Variants in SHROOM3 observed in about 807,000 individuals in gnomAD.
SHROOM3 encodes the protein protein Shroom3.
Under a neutral mutation model 138.6 loss-of-function variants are expected in SHROOM3, and 47 were observed. The observed-to-expected ratio is 0.34, with a 90% CI of 0.27 to 0.43. SHROOM3 has a LOEUF of 0.43. Ranked by LOEUF, SHROOM3 falls within the 20% of genes least tolerant of loss-of-function variation. SHROOM3 has a pLI of 1.00. For synonymous variants in SHROOM3, 1,062 were observed against 1,063.3 expected (o/e 1.00, Z 0.02); for missense variants, 2,491 against 2,596.5 (o/e 0.96, Z 0.88).
Position 76,436,103 on chromosome 4 carries a change from T to G in SHROOM3, c.51T>G (p.Ser17=), listed in dbSNP as rs1262431955. ...DFHKPSATLN[S]NTATKGRYIY... The stretch of plus-strand genomic sequence containing the variant: ...ACAAGCCTAGTGCCACATTAAACTC[T>G]AACACGGCCACCAAGGGAAGGTACA... The change falls in exon 1 of 11, where the codon TCT becomes TCG. Residue 17 remains serine (S), a synonymous_variant. Coordinates refer to ENST00000296043, the MANE Select transcript of SHROOM3 (RefSeq NM_020859.4). 3 of 1,613,850 alleles carry G rather than the reference T, an allele frequency of 1.9e-6. No homozygotes were observed. The African/African-American group carries it at 4.0e-5, about 22-fold the overall frequency.
chr4:76,491,737 A>T (rs1385014711), intron 1 of SHROOM3, among the ~76,000 whole-genome samples: 1 of 151,808 alleles, frequency 6.6e-6, no homozygotes, highest in African/African-American at 2.4e-5. Context: ...TGAAAAAAGC[A>T]CCCCCCAACC....
chr4:76,778,685 T>C, intron 10 of SHROOM3, 124 bp from the exon 11 acceptor site: 1 of 1,325,916 alleles, frequency 7.5e-7, no homozygotes, highest in Non-Finnish European at 1.1e-6. Context: ...CCTCCTTACT[T>C]AGGAGTGACA....
At chr4:76,678,961 C>T (rs764671977) in intron 2 of SHROOM3, among the ~76,000 whole-genome samples, 17 of 152,162 alleles carry the variant, frequency 1.1e-4, no homozygotes, top group Admixed American at 6.6e-4. Context: ...CCCACCCAGC[C>T]GAGCAATTTT....
chr4:76,720,852 C>T (rs941182400), intron 3 of SHROOM3, among the ~76,000 whole-genome samples: 3 of 151,580 alleles, frequency 2.0e-5, no homozygotes, highest in Admixed American at 1.3e-4. Context: ...CCTCGTGGTC[C>T]GCCCACCTCG....
intron 5 of SHROOM3, 108 bp from the exon 6 acceptor site, chr4:76,748,909 G>T: frequency 1.1e-6 from 1 of 895,234 alleles, no homozygotes; most frequent in African/African-American, 1.7e-5. Context: ...CCTGACAATA[G>T]TAGGTTGCCA....
At chr4:76,489,213 T>A (rs1731799235) in intron 1 of SHROOM3, among the ~76,000 whole-genome samples, 3 of 152,250 alleles carry the variant, frequency 2.0e-5, no homozygotes, top group Admixed American at 2.0e-4. Flanking sequence ...CAGGCACAGA[T>A]CTAGCTCATC....
intron 5 of SHROOM3, among the ~76,000 whole-genome samples, chr4:76,744,674 T>G (rs1443861331): frequency 6.6e-6 from 1 of 152,236 alleles, no homozygotes; most frequent in African/African-American, 2.4e-5. Context: ...TCATCCTTGC[T>G]TTAGAGAATT....
chr4:76,558,030 C>T (rs1733523181), intron 2 of SHROOM3, among the ~76,000 whole-genome samples: 1 of 152,112 alleles, frequency 6.6e-6, no homozygotes, highest in Non-Finnish European at 1.5e-5. Context: ...ACCCAGGAGC[C>T]CAGTTTGGAA....
intron 10 of SHROOM3, among the ~76,000 whole-genome samples, chr4:76,774,720 GTTTT>G (rs71212453): frequency 2.7e-5 from 3 of 112,268 alleles, no homozygotes; most frequent in African/African-American, 6.5e-5. Flanking sequence ...TTTTTTTTTT[GTTTT>G]TTTTTTTTTT....
At position 76,765,085 on chromosome 4, in the gene SHROOM3, A is replaced by G. The variant is rs536665385; in HGVS notation, c.5349+5390A>G. On this transcript the variant is annotated intron_variant, in intron 9 of 10. Coordinates refer to ENST00000296043, the MANE Select transcript of SHROOM3 (RefSeq NM_020859.4). ...TGTTGGTCTGTTTTCAAGTTCACTG[A>G]CTTTCCTATCTCCATTCTGCCAGTG... 3.4e-5 allele frequency among the ~76,000 whole-genome samples: 5 copies of G among 148,578 alleles called. No homozygotes were observed. The South Asian group carries it at 1.1e-3, about 32-fold the overall frequency.
At chr4:76,605,951 A>G (rs1218222388) in intron 2 of SHROOM3, among the ~76,000 whole-genome samples, 2 of 118,888 alleles carry the variant, frequency 1.7e-5, no homozygotes, top group Non-Finnish European at 3.4e-5. Flanking sequence ...ATATATACAC[A>G]TATATATATA....
intron 9 of SHROOM3, among the ~76,000 whole-genome samples, chr4:76,765,992 C>T (rs1231835257): frequency 2.0e-5 from 3 of 152,204 alleles, no homozygotes. Flanking sequence ...CCGCCAGCCT[C>T]ATTTGAGCCT....
chr4:76,763,850 T>G (rs1192943940), intron 9 of SHROOM3, among the ~76,000 whole-genome samples: 1 of 152,218 alleles, frequency 6.6e-6, no homozygotes, highest in Non-Finnish European at 1.5e-5. Context: ...TAAGTGATGT[T>G]GTTGAAAACA....
At chr4:76,762,977 A>G (rs1208316102) in intron 9 of SHROOM3, among the ~76,000 whole-genome samples, 1 of 152,228 alleles carries the variant, frequency 6.6e-6, no homozygotes, top group Non-Finnish European at 1.5e-5. Context: ...CAAAAGGAAA[A>G]GCATAAGGAG....
chr4:76,522,856 A>G (rs1208287824), intron 1 of SHROOM3, among the ~76,000 whole-genome samples: 1 of 152,208 alleles, frequency 6.6e-6, no homozygotes, highest in Non-Finnish European at 1.5e-5. Flanking sequence ...AGTAATAGCT[A>G]TATTAACATA....
At chr4:76,611,623 T>G (rs894803469) in intron 2 of SHROOM3, among the ~76,000 whole-genome samples, 1 of 152,192 alleles carries the variant, frequency 6.6e-6, no homozygotes, top group Non-Finnish European at 1.5e-5. Context: ...ACTGTTTTTA[T>G]ATTTGCCCTC....
chr4:76,443,682 C>T (rs1730744824), intron 1 of SHROOM3, among the ~76,000 whole-genome samples: 1 of 152,162 alleles, frequency 6.6e-6, no homozygotes, highest in Non-Finnish European at 1.5e-5. Flanking sequence ...TGTTTCTCCC[C>T]CTCTTCTAAT....
intron 2 of SHROOM3, among the ~76,000 whole-genome samples, chr4:76,583,338 G>A (rs1042094479): frequency 1.4e-4 from 21 of 152,284 alleles, no homozygotes; most frequent in African/African-American, 3.6e-4. Context: ...GTGAAAGGTC[G>A]TGCTCTATGC....
At chr4:76,625,551 C>T (rs1735116303) in intron 2 of SHROOM3, among the ~76,000 whole-genome samples, 1 of 151,450 alleles carries the variant, frequency 6.6e-6, no homozygotes, top group Admixed American at 6.6e-5. Context: ...TCATTGCTCA[C>T]ATCTCATCAA....
Sources: gnomAD v4.1 joint callset for allele counts (sites outside exome capture counted in the v4.1 genomes callset) on GRCh38, gnomAD v4.1.1 for gene constraint, MANE v1.5 for transcripts, NCBI Gene and HGNC (gene_info 2026-07-23, HGNC 2026-07-21) for gene names.